Variants in PDE4D observed in about 807,000 individuals in gnomAD.
PDE4D encodes phosphodiesterase 4D.
A neutral mutation model predicts 87.4 loss-of-function variants in PDE4D; 24 were observed. That is an observed-to-expected ratio of 0.27 (90% CI 0.20 to 0.39). PDE4D has a LOEUF of 0.39. Among genes scored for constraint, PDE4D ranks in the 10% least tolerant of loss-of-function variants. The probability of loss-of-function intolerance (pLI) is 1.00; values close to 1 mark genes in which losing one functional copy is unlikely to be tolerated. For missense variants in PDE4D, 714 were observed against 1,041.0 expected, an observed-to-expected ratio of 0.69 and a Z score of 4.32; for synonymous variants, 384 against 383.2, an observed-to-expected ratio of 1.00 and a Z score of -0.02.
chr5:59,030,931 G>A (rs755796121), intron 6 of PDE4D, among the ~76,000 whole-genome samples: 12 of 152,022 alleles, frequency 7.9e-5, no homozygotes, highest in African/African-American at 2.2e-4. Flanking sequence ...TTTGCTTCAC[G>A]TATCATCCCA....
intron 1 of PDE4D, among the ~76,000 whole-genome samples, chr5:59,464,281 G>C (rs1174247490): frequency 6.6e-6 from 1 of 152,198 alleles, no homozygotes; most frequent in African/African-American, 2.4e-5. Flanking sequence ...GAAGGCATCT[G>C]TCTCCTGCCC....
chr5:60,346,015 A>T (rs1485027772), intron 1 of PDE4D, among the ~76,000 whole-genome samples: 79 of 152,150 alleles, frequency 5.2e-4, no homozygotes, highest in Admixed American at 5.2e-3. Context: ...CCGTTGAGTA[A>T]AATTCAAAGC....
chr5:60,268,550 TG>T (rs1750482862), intron 1 of PDE4D, among the ~76,000 whole-genome samples: 1 of 152,224 alleles, frequency 6.6e-6, no homozygotes, highest in East Asian at 1.9e-4. Flanking sequence ...TCAAGTCTCC[TG>T]GACAGCCTAG....
At chr5:59,647,498 C>A (rs1742674164) in intron 1 of PDE4D, among the ~76,000 whole-genome samples, 1 of 149,064 alleles carries the variant, frequency 6.7e-6, no homozygotes, top group African/African-American at 2.5e-5. Context: ...TTTAAATATA[C>A]CTATACCTGT....
At chr5:59,192,899 G>C (rs1256363043) in intron 3 of PDE4D, among the ~76,000 whole-genome samples, 1 of 152,190 alleles carries the variant, frequency 6.6e-6, no homozygotes, top group Non-Finnish European at 1.5e-5. Context: ...TTAATCTAAC[G>C]TGCAGGTAGG....
chr5:60,508,784 G>A (rs1034393206), intron 1 of PDE4D, among the ~76,000 whole-genome samples: 3 of 151,930 alleles, frequency 2.0e-5, no homozygotes, highest in African/African-American at 7.3e-5. Context: ...AATATATATT[G>A]TTAATTCATT....
intron 3 of PDE4D, among the ~76,000 whole-genome samples, chr5:59,917,321 G>T (rs559233552): frequency 2.6e-5 from 4 of 152,164 alleles, no homozygotes; most frequent in African/African-American, 7.2e-5. Flanking sequence ...CCATCAGCTT[G>T]TGACTCATGG....
intron 1 of PDE4D, among the ~76,000 whole-genome samples, chr5:59,784,254 A>T (rs1014817812): frequency 2.9e-4 from 43 of 148,224 alleles, no homozygotes; most frequent in African/African-American, 7.4e-4. Flanking sequence ...TTTTTTTTTA[A>T]AAAAAAAAAG....
intron 1 of PDE4D, among the ~76,000 whole-genome samples, chr5:59,321,636 C>T (rs1345948547): frequency 1.3e-5 from 2 of 152,180 alleles, no homozygotes; most frequent in East Asian, 1.9e-4. Context: ...GAAAAGGCGC[C>T]TCAGGACTGA....
chr5:59,350,638 A>G (rs1780377152), intron 1 of PDE4D, among the ~76,000 whole-genome samples: 1 of 152,192 alleles, frequency 6.6e-6, no homozygotes, highest in Non-Finnish European at 1.5e-5. Context: ...CTGGCCATAC[A>G]AAGGTGGAAA....
chr5:59,697,849 G>T (rs1176369101), intron 1 of PDE4D, among the ~76,000 whole-genome samples: 6 of 152,170 alleles, frequency 3.9e-5, no homozygotes, highest in Non-Finnish European at 8.8e-5. Flanking sequence ...GAAAAGCCCT[G>T]TTGAATTGTC....
chr5:59,719,485 G>A (rs560021816), intron 1 of PDE4D, among the ~76,000 whole-genome samples: 1 of 152,074 alleles, frequency 6.6e-6, no homozygotes, highest in East Asian at 1.9e-4. Context: ...TTAATTACGG[G>A]TTTATATAAT....
intron 2 of PDE4D, among the ~76,000 whole-genome samples, chr5:60,015,113 G>T (rs1391094624): frequency 1.3e-5 from 2 of 152,170 alleles, no homozygotes; most frequent in African/African-American, 4.8e-5. Context: ...AGGGAAGGGG[G>T]ATTACACAGA....
intron 1 of PDE4D, among the ~76,000 whole-genome samples, chr5:59,219,810 G>A (rs528377817): frequency 6.6e-6 from 1 of 152,304 alleles, no homozygotes; most frequent in East Asian, 1.9e-4. Context: ...AATTTAAGAA[G>A]TTGCAGGATG....
At chr5:59,894,154 C>G (rs1191301795), upstream of PDE4D, among the ~76,000 whole-genome samples, 2 of 152,102 alleles carry the variant, frequency 1.3e-5, no homozygotes, top group African/African-American at 4.8e-5. Flanking sequence ...AGGAGTCAGA[C>G]CTGTCCTCTT....
chr5:60,508,826 C>T (rs1417867092), intron 1 of PDE4D, among the ~76,000 whole-genome samples: 1 of 152,118 alleles, frequency 6.6e-6, no homozygotes, highest in African/African-American at 2.4e-5. Context: ...AGCTCTATAA[C>T]TCATGTTTGA....
chr5:59,126,150 AAAGGAAGGGAAG>A, intron 5 of PDE4D, among the ~76,000 whole-genome samples: 1 of 152,094 alleles, frequency 6.6e-6, no homozygotes, highest in African/African-American at 2.4e-5. Flanking sequence ...AGAAAGGAAA[AAAGGAAGGGAAG>A]AAGGAAGGAA....
chr5:60,302,242 A>C (rs1415800762), intron 1 of PDE4D, among the ~76,000 whole-genome samples: 1 of 152,178 alleles, frequency 6.6e-6, no homozygotes, highest in South Asian at 2.1e-4. Flanking sequence ...CAGCAGAAAT[A>C]GTACCAGCTC....
intron 1 of PDE4D, among the ~76,000 whole-genome samples, chr5:59,286,743 C>A (rs1347017017): frequency 6.6e-6 from 1 of 152,128 alleles, no homozygotes; most frequent in Non-Finnish European, 1.5e-5. Context: ...CAACTACTAA[C>A]CTGTTTTGTA....
Sources: gnomAD v4.1 joint callset for allele counts (sites outside exome capture counted in the v4.1 genomes callset) on GRCh38, gnomAD v4.1.1 for gene constraint, MANE v1.5 for transcripts, NCBI Gene and HGNC (gene_info 2026-07-23, HGNC 2026-07-21) for gene names.